LRCH1: variants seen among roughly 807,000 people sequenced by gnomAD.
The protein encoded by LRCH1 is leucine-rich repeat and calponin homology domain-containing protein 1.
LRCH1 carries 23 observed loss-of-function variants against 94.9 expected under a neutral mutation model. The ratio of observed to expected loss-of-function variants is 0.24; its 90% CI spans 0.17 to 0.34. The LOEUF (loss-of-function observed/expected upper bound fraction) is 0.34, where lower values mean the gene tolerates loss of function less well. Among genes scored for constraint, LRCH1 ranks in the 10% least tolerant of loss-of-function variants. The pLI, the probability that LRCH1 is intolerant of heterozygous loss-of-function variation, is 1.00. For missense variants in LRCH1, 790 were observed against 945.9 expected, an observed-to-expected ratio of 0.84 and a Z score of 2.16; for synonymous variants, 364 against 354.9, an observed-to-expected ratio of 1.03 and a Z score of -0.29.
At chr13:46,663,254 A>C (rs936667521) in intron 2 of LRCH1, among the ~76,000 whole-genome samples, 6 of 152,234 alleles carry the variant, frequency 3.9e-5, no homozygotes, top group African/African-American at 1.4e-4. Flanking sequence ...ATAAGTGTAA[A>C]GATAGTCTCT....
chr13:46,741,682 T>G lies in LRCH1; in HGVS notation c.2126T>G (p.Phe709Cys). Residue 709 changes from phenylalanine to cysteine, a missense_variant, in exon 20 of 20, where the codon TTT becomes TGT. By Grantham distance (205) the Phe-to-Cys change is radical. This residue lies in a region of LRCH1 where 460 missense variants were observed against 508.9 expected (regional missense o/e 0.90). Coordinates refer to ENST00000389797, the MANE Select transcript of LRCH1 (RefSeq NM_001164211.2). ...CCGTGTGACATCCTGCAGTTGGATT[T>G]TCGTCACATTCGAAAGACTGTTGAC... ...CSPCDILQLD[F>C]RHIRKTVDTL... The G allele has an allele frequency of 6.2e-7, 1 of 1,614,202 alleles. No individual in the cohort carries two copies. Among genetic ancestry groups the G allele is most frequent in the Non-Finnish European group, 8.5e-7 (1 of 1,180,020 alleles).
chr13:46,634,838 G>A (rs1484064131), intron 1 of LRCH1, among the ~76,000 whole-genome samples: 2 of 152,052 alleles, frequency 1.3e-5, no homozygotes, highest in Non-Finnish European at 2.9e-5. Flanking sequence ...ACGTGTGGGT[G>A]GTTTTTCCTG....
intron 1 of LRCH1, among the ~76,000 whole-genome samples, chr13:46,565,762 A>G (rs1353166457): frequency 1.3e-5 from 2 of 151,408 alleles, no homozygotes; most frequent in African/African-American, 4.9e-5. Context: ...GTGAGCTGAG[A>G]TCACGCCATT....
chr13:46,667,713 A>C (rs1365564426), intron 2 of LRCH1, among the ~76,000 whole-genome samples: 1 of 152,212 alleles, frequency 6.6e-6, no homozygotes, highest in Admixed American at 6.5e-5. Flanking sequence ...GAATTTTCAC[A>C]AATAGGAGCA....
intron 10 of LRCH1, 64 bp downstream of exon 10, chr13:46,699,467 A>T (rs2138177125): frequency 7.1e-7 from 1 of 1,417,098 alleles, no homozygotes; most frequent in East Asian, 2.3e-5. Context: ...GCAGTCTGGC[A>T]GTTCTGTTGT....
At chr13:46,719,858 C>T (rs753495370) in intron 16 of LRCH1, among the ~76,000 whole-genome samples, 6 of 151,854 alleles carry the variant, frequency 4.0e-5, no homozygotes, top group South Asian at 2.1e-4. Flanking sequence ...TTTAGCCAGG[C>T]GTGGTGGCAG....
chr13:46,696,213 C>T (rs1007228195), intron 9 of LRCH1, among the ~76,000 whole-genome samples: 2 of 151,558 alleles, frequency 1.3e-5, no homozygotes, highest in Non-Finnish European at 3.0e-5. Context: ...CACACACACA[C>T]ACACACACAC....
At chr13:46,560,027 T>TGCTGTCCA (rs2050112283) in intron 1 of LRCH1, among the ~76,000 whole-genome samples, 1 of 152,002 alleles carries the variant, frequency 6.6e-6, no homozygotes, top group Non-Finnish European at 1.5e-5. Context: ...GTTTTGCCCG[T>TGCTGTCCA]GCTGTCCATC....
chr13:46,732,568 C>T (rs768981898), intron 18 of LRCH1, among the ~76,000 whole-genome samples: 1 of 152,240 alleles, frequency 6.6e-6, no homozygotes, highest in Non-Finnish European at 1.5e-5. Context: ...TGATGTTGGG[C>T]GTCTTTGGAG....
At chr13:46,647,109 A>C (rs149458959) in intron 1 of LRCH1, among the ~76,000 whole-genome samples, 5,353 of 146,608 alleles carry the variant, frequency 0.037, 111 homozygotes, top group South Asian at 0.057. Flanking sequence ...TGAGACTCCA[A>C]CTCAAAAAAA....
At chr13:46,672,949 C>T (rs1345725660) in intron 3 of LRCH1, among the ~76,000 whole-genome samples, 1 of 152,202 alleles carries the variant, frequency 6.6e-6, no homozygotes, top group East Asian at 1.9e-4. Context: ...CCTCACCCAG[C>T]GCAGTCCTGT....
intron 3 of LRCH1, among the ~76,000 whole-genome samples, chr13:46,671,351 C>T (rs2051598800): frequency 6.6e-6 from 1 of 152,228 alleles, no homozygotes; most frequent in Non-Finnish European, 1.5e-5. Flanking sequence ...TCTGTGCCAG[C>T]TCCCCCCACA....
rs1873784375 is a variant in LRCH1, at chr13:46,743,753, T to TA, written c.*1906dup. The TA allele has an allele frequency of 2.0e-6, 2 of 984,814 alleles. No individual in the cohort carries two copies. Among genetic ancestry groups the TA allele is most frequent in the Non-Finnish European group, 2.4e-6 (2 of 829,656 alleles). The allele number at this position is 984,814 out of a possible 1,614,324, so 61.0% of individuals were successfully genotyped here. A position where few individuals can be genotyped will look rare whatever the true frequency, so the allele number is the denominator to read the frequency against. On this transcript the variant is annotated 3_prime_UTR_variant, in exon 20 of 20. Coordinates refer to ENST00000389797, the MANE Select transcript of LRCH1 (RefSeq NM_001164211.2). ...AAATGGGAAAAAAAAAAAGAAAACTTACTGGGTTGCCACCTTAAAATAATA... is the reference window on the plus strand; with the variant it reads ...AAATGGGAAAAAAAAAAAGAAAACTTAACTGGGTTGCCACCTTAAAATAATA...
chr13:46,724,613 A>G (rs991384407), intron 17 of LRCH1, among the ~76,000 whole-genome samples: 31 of 152,192 alleles, frequency 2.0e-4, no homozygotes. Context: ...GTCTACCTGC[A>G]TGGTCTTTTT....
rs1191862080 is a variant in LRCH1 at position 46,640,080 on chromosome 13, T to G, written c.308-10121T>G. ...GTGATGAGTGAGGGAACAGATACATTGATCATTGAATGGAGCTAGAGAAAA... is the reference window on the plus strand; with the variant it reads ...GTGATGAGTGAGGGAACAGATACATGGATCATTGAATGGAGCTAGAGAAAA... On this transcript the variant is annotated intron_variant, in intron 1 of 19. Transcript: ENST00000389797. 3.9e-5 allele frequency among the ~76,000 whole-genome samples: 6 copies of G among 152,258 alleles called. 1 individual carries two copies. Among genetic ancestry groups the G allele is most frequent in the Non-Finnish European group, 8.8e-5 (6 of 68,044 alleles).
intron 1 of LRCH1, among the ~76,000 whole-genome samples, chr13:46,642,638 T>TTAATTC (rs1303921431): frequency 6.6e-6 from 1 of 152,228 alleles, no homozygotes; most frequent in African/African-American, 2.4e-5. Context: ...CTAGCAATGC[T>TTAATTC]TAATTCTGGA....
At position 46,699,341 on chromosome 13, in the gene LRCH1, G is replaced by A. The variant is rs1279434455; in HGVS notation, c.1251G>A (p.Arg417=). The change falls in exon 10 of 20, where the codon AGG becomes AGA. Residue 417 remains arginine, a synonymous_variant. Transcript: ENST00000389797. Reference sequence around the variant, plus strand: ...CCTGTGTGTTTTGTCCACAGGCAAGGGCAGAAGACTGTGAAGAGCTGTTAC... The same window carrying A: ...CCTGTGTGTTTTGTCCACAGGCAAGAGCAGAAGACTGTGAAGAGCTGTTAC... ...LHSEFMNYKA[R]AEDCEELLRI... is the part of the protein sequence containing the mutation. The A allele has an allele frequency of 6.2e-7, 1 of 1,613,990 alleles. No homozygotes were observed. Among genetic ancestry groups the A allele is most frequent in the Non-Finnish European group, 8.5e-7 (1 of 1,179,874 alleles).
chr13:46,621,964 CT>C (rs2050885159), intron 1 of LRCH1, among the ~76,000 whole-genome samples: 1 of 152,136 alleles, frequency 6.6e-6, no homozygotes, highest in Non-Finnish European at 1.5e-5. Context: ...AAGATACAGG[CT>C]TATTATGTCT....
At chr13:46,587,554 C>T (rs1026426163) in intron 1 of LRCH1, among the ~76,000 whole-genome samples, 3 of 152,194 alleles carry the variant, frequency 2.0e-5, no homozygotes, top group Non-Finnish European at 4.4e-5. Flanking sequence ...GTGTTTGAGT[C>T]AGGAAAATTT....
Sources: gnomAD v4.1 joint callset for allele counts (sites outside exome capture counted in the v4.1 genomes callset) on GRCh38, gnomAD v4.1.1 for gene constraint, gnomAD v4.1.1 regional missense constraint, MANE v1.5 for transcripts, NCBI Gene and HGNC (gene_info 2026-07-23, HGNC 2026-07-21) for gene names.